The following NAT10 variants were observed in gnomAD, a reference collection of about 807,000 sequenced individuals.
The protein encoded by NAT10 is N-acetyltransferase 10.
A neutral mutation model predicts 132.2 loss-of-function variants in NAT10; 109 were observed. That is an observed-to-expected ratio of 0.82 (90% confidence interval 0.71 to 0.97). NAT10 has a LOEUF of 0.97. NAT10 is among the 50% of genes least tolerant of loss of function. The pLI is 0.00. For missense variants in NAT10, 1,184 were observed against 1,263.4 expected, an observed-to-expected ratio of 0.94 and a Z score of 0.95; for synonymous variants, 479 against 478.0, an observed-to-expected ratio of 1.00 and a Z score of -0.03.
In NAT10 at chr11:34,146,216, G is replaced by GT; in HGVS notation, c.*27dup. 1 of 1,520,144 alleles carries GT rather than the reference G, an allele frequency of 6.6e-7. No homozygotes were observed. Among genetic ancestry groups the GT allele is most frequent in the Non-Finnish European group, 9.0e-7 (1 of 1,111,732 alleles). The allele number at this position is 1,520,144 out of a possible 1,614,324, so 94.2% of individuals were successfully genotyped here. On this transcript the variant is annotated 3_prime_UTR_variant, in exon 29 of 29. Coordinates refer to ENST00000257829, the MANE Select transcript of NAT10 (RefSeq NM_024662.3). ...AGTGAAGAGAAACTCGGGCATCTGT[G>GT]TTTGATCATGGGAAGATACTCTCAC... is the stretch of plus-strand genomic sequence containing the variant.
At chr11:34,139,131 A>C in intron 21 of NAT10, 60 bp from the exon 22 acceptor site, 1 of 1,443,432 alleles carries the variant, frequency 6.9e-7, no homozygotes, top group Non-Finnish European at 9.7e-7. Flanking sequence ...CCCTTCATCA[A>C]TGATGGGTTA....
chr11:34,133,697 G>A lies in NAT10; in HGVS notation c.1734+555G>A, dbSNP rs185141120. On this transcript the variant is annotated intron_variant, in intron 16 of 28. Coordinates refer to ENST00000257829, the MANE Select transcript of NAT10 (RefSeq NM_024662.3). ...ATTTTAGTTATTTTGAACTTGTGCT[G>A]TTCTGTACAGAGCCTCATGAGCATC... Among the ~76,000 whole-genome samples, 453 of 152,276 alleles carry A rather than the reference G, an allele frequency of 3.0e-3. 1 individual carries two copies. Among genetic ancestry groups the A allele is most frequent in the Non-Finnish European group, 5.0e-3 (342 of 68,020 alleles).
intron 11 of NAT10, among the ~76,000 whole-genome samples, chr11:34,127,024 T>G (rs983395520): frequency 2.0e-5 from 3 of 152,180 alleles, no homozygotes; most frequent in Non-Finnish European, 4.4e-5. Flanking sequence ...TGCCTCGAGC[T>G]CATCGGCTTT....
At chr11:34,120,026 T>C (rs1233621297) in intron 8 of NAT10, among the ~76,000 whole-genome samples, 1 of 152,164 alleles carries the variant, frequency 6.6e-6, no homozygotes, top group Non-Finnish European at 1.5e-5. Context: ...ACTAATCTGA[T>C]ATGAGAACAT....
At chr11:34,142,084 C>T in intron 26 of NAT10, 191 bp from the exon 27 acceptor site, 1 of 637,834 alleles carries the variant, frequency 1.6e-6, no homozygotes, top group South Asian at 2.0e-5. Context: ...TTTTTGGTGA[C>T]TTCTTAAATG....
chr11:34,118,360 C>T, intron 7 of NAT10, 36 bp from the exon 8 acceptor site: 1 of 1,610,152 alleles, frequency 6.2e-7, no homozygotes, highest in Non-Finnish European at 8.5e-7. Flanking sequence ...CCTCCTGTGA[C>T]AGTGACAGAC....
Position 34,146,240 on chromosome 11 carries a change from A to G in NAT10, c.*48A>G. 7.4e-7 allele frequency: 1 copy of G among 1,351,816 alleles called. No individual in the cohort carries two copies. Among genetic ancestry groups the G allele is most frequent in the East Asian group, 2.4e-5 (1 of 41,348 alleles). The allele number at this position is 1,351,816 out of a possible 1,614,324, so 83.7% of individuals were successfully genotyped here. ...TGTTTGATCATGGGAAGATACTCTC[A>G]CTAACTGAACCCTCTCTGGCTGGAC... On this transcript the variant is annotated 3_prime_UTR_variant, in exon 29 of 29. Transcript: ENST00000257829.
intron 27 of NAT10, among the ~76,000 whole-genome samples, chr11:34,143,225 G>A (rs1271827189): frequency 5.9e-5 from 9 of 152,184 alleles, no homozygotes; most frequent in Non-Finnish European, 1.2e-4. Flanking sequence ...GGTGACCCTC[G>A]CTCCTGTGGA....
chr11:34,134,382 G>T lies in NAT10; in HGVS notation c.1798G>T (p.Ala600Ser), dbSNP rs768175245. ...ILNSLSRGKK[A>S]SGDLIPWTVS... ...GAACAGTCTGTCTCGAGGCAAGAAG[G>T]CTTCAGGGGACCTGATTCCATGGAC... is the stretch of plus-strand genomic sequence containing the variant. The change falls in exon 17 of 29, where the codon GCT (alanine) becomes TCT (serine). Residue 600 changes from alanine to serine, a missense_variant. By Grantham distance (99) the Ala-to-Ser change is moderately conservative. Transcript: ENST00000257829. 8 of 1,614,238 alleles carry T rather than the reference G, an allele frequency of 5.0e-6. No individual in the cohort carries two copies. In the Admixed American group the frequency reaches 1.3e-4, roughly 27 times the overall value.
intron 8 of NAT10, among the ~76,000 whole-genome samples, chr11:34,120,097 T>C (rs551310066): frequency 5.3e-5 from 8 of 151,068 alleles, no homozygotes; most frequent in Admixed American, 4.6e-4. Flanking sequence ...CTTCTTCATA[T>C]AATTATTGGT....
intron 28 of NAT10, among the ~76,000 whole-genome samples, chr11:34,145,528 A>G (rs1852425102): frequency 6.6e-6 from 1 of 152,232 alleles, no homozygotes; most frequent in African/African-American, 2.4e-5. Context: ...CAGGATATCA[A>G]TGAAGAATCC....
chr11:34,138,803 AGG>A, intron 21 of NAT10: 1 of 173,544 alleles, frequency 5.8e-6, no homozygotes, highest in Non-Finnish European at 1.2e-5. Context: ...TCCTGCTGTG[AGG>A]CATCAAACCC....
In NAT10 at chr11:34,118,123, C is replaced by T. The variant is rs1043545266; in HGVS notation, c.558-57C>T. ...AATTTTTTTGAAGAAAAGTTATACT[C>T]TGTATAGACATTGCATGCCCTCCCC... On this transcript the variant is annotated intron_variant, in intron 6 of 28. Coordinates refer to ENST00000257829, the MANE Select transcript of NAT10 (RefSeq NM_024662.3). 13 of 1,385,726 alleles carry T rather than the reference C, an allele frequency of 9.4e-6. No homozygotes were observed. In the East Asian group the frequency reaches 2.1e-4, roughly 22 times the overall value. 85.8% of individuals were successfully genotyped at this position (1,385,726 alleles called of 1,614,324 possible).
At position 34,123,000 on chromosome 11, in the gene NAT10, A is replaced by G. The variant is rs144931468; in HGVS notation, c.914+408A>G. ...AAGAAGCTTTCTTTGGCTTCTGAGG[A>G]GCTGGTTTTAGGTGTGATGTTAGTT... On this transcript the variant is annotated intron_variant, in intron 9 of 28. Coordinates refer to ENST00000257829, the MANE Select transcript of NAT10 (RefSeq NM_024662.3). Among the ~76,000 whole-genome samples the G allele has an allele frequency of 3.3e-3, 504 of 152,258 alleles. 5 individuals are homozygous for G. The highest frequency in any genetic ancestry group is 0.011 in the African/African-American group (462 of 41,548).
In NAT10 at chr11:34,131,914, G is replaced by A. The variant is rs1439795124; in HGVS notation, c.1521-211G>A. On this transcript the variant is annotated intron_variant, in intron 14 of 28. Transcript: ENST00000257829. ...TTGGTCAGGCTGGTCTCAAACTCCT[G>A]ACCTTGTGATCTGCCTGCCTCAGCC... is the stretch of plus-strand genomic sequence containing the variant. Among the ~76,000 whole-genome samples the A allele has an allele frequency of 2.6e-5, 4 of 152,034 alleles. No individual in the cohort carries two copies. The East Asian group carries it at 7.7e-4, about 29-fold the overall frequency.
chr11:34,130,577 C>A (rs1189832784), intron 12 of NAT10, among the ~76,000 whole-genome samples: 3 of 152,230 alleles, frequency 2.0e-5, no homozygotes, highest in African/African-American at 7.2e-5. Context: ...CCCAAAGATA[C>A]TAAGTAGATG....
chr11:34,140,434 C>T lies in NAT10; in HGVS notation c.2454C>T (p.Leu818=), dbSNP rs1249580442. The T allele has an allele frequency of 6.2e-7, 1 of 1,614,114 alleles. No homozygotes were observed. The highest frequency in any genetic ancestry group is 8.5e-7 in the Non-Finnish European group (1 of 1,179,960). ...LSREELEALF[L]PYDLKRLEMY... ...GGGAGGAGCTGGAAGCACTCTTCCT[C>T]CCCTATGACCTGAAGCGGCTGGAGA... Residue 818 remains leucine, a synonymous_variant, in exon 24 of 29, where the codon CTC becomes CTT. Coordinates refer to ENST00000257829, the MANE Select transcript of NAT10 (RefSeq NM_024662.3).
chr11:34,120,757 G>A (rs193251021), intron 8 of NAT10, among the ~76,000 whole-genome samples: 3 of 152,348 alleles, frequency 2.0e-5, no homozygotes, highest in Admixed American at 6.5e-5. Flanking sequence ...ATATGGTGAA[G>A]CAGAAGATGC....
rs145242316 is a variant in NAT10, at chr11:34,135,175, A to G, written c.1912A>G (p.Met638Val). Reference sequence around the variant, plus strand: ...TCTTCCCCTTCACGTTTGCTCCTAGATGGGCTATGGCAGCCGTGCTCTGCA... The same window carrying G: ...TCTTCCCCTTCACGTTTGCTCCTAGGTGGGCTATGGCAGCCGTGCTCTGCA... ...RIAVHPDYQG[M>V]GYGSRALQLL... The change falls in exon 19 of 29, where the codon ATG becomes GTG. Residue 638 changes from methionine (M) to valine (V), a missense_variant and splice_region_variant. Coordinates refer to ENST00000257829, the MANE Select transcript of NAT10 (RefSeq NM_024662.3). 1.3e-3 allele frequency: 2,029 copies of G among 1,613,640 alleles called. 37 individuals are homozygous for G. In the South Asian group the frequency reaches 0.021, roughly 17 times the overall value.
Sources: gnomAD v4.1 joint callset for allele counts (sites outside exome capture counted in the v4.1 genomes callset) on GRCh38, gnomAD v4.1.1 for gene constraint, MANE v1.5 for transcripts, NCBI Gene and HGNC (gene_info 2026-07-23, HGNC 2026-07-21) for gene names.